CBR4: variants seen among roughly 807,000 people sequenced by gnomAD.
CBR4 encodes carbonyl reductase 4.
Under a neutral mutation model 21.0 loss-of-function variants are expected in CBR4, and 22 were observed. The observed-to-expected ratio is 1.05, with a 90% CI of 0.75 to 1.50. The LOEUF is 1.50. CBR4 is among the 40% of genes most tolerant of loss of function. The probability of loss-of-function intolerance (pLI) is 0.00; values close to 1 mark genes in which losing one functional copy is unlikely to be tolerated. For missense variants in CBR4, 302 were observed against 286.3 expected (o/e 1.05, Z -0.40); for synonymous variants, 100 against 104.4 (o/e 0.96, Z 0.26).
intron 2 of CBR4, among the ~76,000 whole-genome samples, chr4:168,922,096 TATATATACAC>T (rs1180863032): frequency 1.5e-3 from 154 of 104,902 alleles, no homozygotes; most frequent in African/African-American, 4.6e-3. Flanking sequence ...TATATATATA[TATATATACAC>T]ACACACACAC....
chr4:169,010,168 G>T lies in CBR4; in HGVS notation c.-79C>A. 1.8e-6 allele frequency: 2 copies of T among 1,087,650 alleles called. No individual in the cohort carries two copies. The highest frequency in any genetic ancestry group is 3.2e-5 in the South Asian group (1 of 31,240). The allele number at this position is 1,087,650 out of a possible 1,614,324, so 67.4% of individuals were successfully genotyped here. ...GGTTCCCTCAGGCTTTTAAACAACC[G>T]CGGTTCCAAAAAAAAAAAAAAGAAA... is the stretch of plus-strand genomic sequence containing the variant. On this transcript the variant is annotated 5_prime_UTR_variant, in exon 1 of 5. Transcript: ENST00000306193.
chr4:168,906,490 T>C (rs1757824564), intron 2 of CBR4, among the ~76,000 whole-genome samples: 2 of 152,256 alleles, frequency 1.3e-5, no homozygotes, highest in East Asian at 1.9e-4. Context: ...TCTTGACAAA[T>C]TATTATGAAG....
At chr4:168,985,019 A>G (rs1764645219), downstream of CBR4, among the ~76,000 whole-genome samples, 1 of 152,198 alleles carries the variant, frequency 6.6e-6, no homozygotes, top group African/African-American at 2.4e-5. Context: ...CTTGATGAAG[A>G]TTCCAAAAGC....
intron 2 of CBR4, among the ~76,000 whole-genome samples, chr4:168,938,772 A>C (rs769492305): frequency 1.3e-5 from 2 of 151,868 alleles, no homozygotes; most frequent in African/African-American, 2.4e-5. Flanking sequence ...AGAATAGACC[A>C]ATAACAAGTT....
At chr4:168,932,483 A>T (rs1389874227) in intron 2 of CBR4, among the ~76,000 whole-genome samples, 1 of 152,182 alleles carries the variant, frequency 6.6e-6, no homozygotes, top group African/African-American at 2.4e-5. Context: ...GATGGAGAAG[A>T]GAAGGAAAAA....
intron 4 of CBR4, among the ~76,000 whole-genome samples, chr4:168,992,776 T>G (rs982667093): frequency 1.3e-5 from 2 of 152,208 alleles, no homozygotes; most frequent in Admixed American, 6.5e-5. Flanking sequence ...AACAGATATA[T>G]ATATTATTTT....
intron 2 of CBR4, among the ~76,000 whole-genome samples, chr4:168,976,401 T>C (rs1454552618): frequency 6.6e-6 from 1 of 152,166 alleles, no homozygotes; most frequent in African/African-American, 2.4e-5. Context: ...CAAACAGGCT[T>C]TGTGTGAGCA....
chr4:168,978,908 T>C (rs553411282), intron 2 of CBR4, among the ~76,000 whole-genome samples: 264 of 151,652 alleles, frequency 1.7e-3, no homozygotes, highest in Non-Finnish European at 2.4e-3. Context: ...CTCAGGCTGG[T>C]AGCAGCTCTG....
At chr4:168,975,929 C>T (rs1009556082) in intron 2 of CBR4, among the ~76,000 whole-genome samples, 1 of 152,178 alleles carries the variant, frequency 6.6e-6, no homozygotes, top group African/African-American at 2.4e-5. Context: ...ACCAGTCTCA[C>T]TCCCACCATG....
At position 168,924,295 on chromosome 4, in the gene CBR4, C is replaced by A. The variant is rs752407562; in HGVS notation, n.170-29530G>T. ...AACCCCCTGTGTTTATTGAGAAGCT[C>A]CAAAACACAGGAGTTGCTGATGGGT... On this transcript the variant is annotated intron_variant and non_coding_transcript_variant, in intron 2 of 3. Coordinates refer to the CBR4 transcript ENST00000509108. 1.2e-6 allele frequency: 2 copies of A among 1,613,756 alleles called. No homozygotes were observed. The highest frequency in any genetic ancestry group is 2.7e-5 in the African/African-American group (2 of 74,868).
chr4:168,904,160 A>T (rs947147625), intron 2 of CBR4: 5 of 466,370 alleles, frequency 1.1e-5, no homozygotes, highest in African/African-American at 9.8e-5. Flanking sequence ...CACACTTTCT[A>T]TGTGGGTGAT....
At position 168,998,410 on chromosome 4, in the gene CBR4, A is replaced by G. The variant is rs538434061; in HGVS notation, c.535+3661T>C. Among the ~76,000 whole-genome samples, 5 of 152,324 alleles carry G rather than the reference A, an allele frequency of 3.3e-5. No individual in the cohort carries two copies. The South Asian group carries it at 1.0e-3, about 32-fold the overall frequency. ...CATTTTCTGTTTTCATTCAGTCATT[A>G]AAAGTGACATAACAGTCACAAAACA... On this transcript the variant is annotated intron_variant, in intron 4 of 4. Transcript: ENST00000306193.
intron 2 of CBR4, among the ~76,000 whole-genome samples, chr4:168,956,821 A>C (rs1167024914): frequency 2.6e-5 from 4 of 152,024 alleles, no homozygotes; most frequent in African/African-American, 9.7e-5. Flanking sequence ...TGAAACCAGA[A>C]CTATCTGGCT....
chr4:168,895,357 G>A (rs369465788), intron 2 of CBR4, among the ~76,000 whole-genome samples: 1 of 152,196 alleles, frequency 6.6e-6, no homozygotes, highest in African/African-American at 2.4e-5. Context: ...ACTCCAGCCT[G>A]GCAGCAGAGT....
chr4:168,955,907 A>G (rs545776967), intron 2 of CBR4, among the ~76,000 whole-genome samples: 2 of 152,274 alleles, frequency 1.3e-5, no homozygotes, highest in South Asian at 4.2e-4. Context: ...CCCTAGTACC[A>G]TGGGAAAATT....
intron 2 of CBR4, among the ~76,000 whole-genome samples, chr4:168,923,280 G>A (rs954507545): frequency 2.0e-5 from 3 of 152,180 alleles, no homozygotes; most frequent in Non-Finnish European, 4.4e-5. Flanking sequence ...TAACTAACTC[G>A]TGGTGTTGGA....
chr4:168,977,220 C>T (rs1764399414), intron 2 of CBR4, among the ~76,000 whole-genome samples: 1 of 151,902 alleles, frequency 6.6e-6, no homozygotes, highest in African/African-American at 2.4e-5. Flanking sequence ...AGCATCTCCC[C>T]CACAAAAACA....
At chr4:168,919,433 G>A (rs899773380) in intron 2 of CBR4, among the ~76,000 whole-genome samples, 9 of 151,814 alleles carry the variant, frequency 5.9e-5, no homozygotes, top group Non-Finnish European at 1.2e-4. Flanking sequence ...GCTGAGGCAA[G>A]AGAATTGCTT....
chr4:168,939,557 A>T (rs1763204956), intron 2 of CBR4, among the ~76,000 whole-genome samples: 1 of 152,222 alleles, frequency 6.6e-6, no homozygotes, highest in Admixed American at 6.5e-5. Context: ...CCATTATCTC[A>T]GTCCAAACTC....
Sources: allele counts gnomAD v4.1 joint callset (sites outside exome capture counted in the v4.1 genomes callset), GRCh38; gene constraint gnomAD v4.1.1; transcripts MANE v1.5; gene names NCBI Gene and HGNC (gene_info 2026-07-23, HGNC 2026-07-21).